Variants in FANCA observed in about 807,000 individuals in gnomAD.
FANCA encodes Fanconi anemia group A protein.
FANCA carries 236 observed loss-of-function variants against 194.3 expected under a neutral mutation model. The observed-to-expected ratio is 1.21, with a 90% confidence interval of 1.09 to 1.35. The LOEUF (loss-of-function observed/expected upper bound fraction) is 1.35, where lower values mean the gene tolerates loss of function less well. Among genes scored for constraint, FANCA ranks in the 40% most tolerant of loss-of-function variants. The pLI, the probability that FANCA is intolerant of heterozygous loss-of-function variation, is 0.00. For synonymous variants in FANCA, 1,014 were observed against 715.8 expected (o/e 1.42, Z -6.65); for missense variants, 2,628 against 1,813.9 (o/e 1.45, Z -8.15).
chr16:89,766,754 A>G (rs1225464020), intron 27 of FANCA, among the ~76,000 whole-genome samples: 2 of 152,186 alleles, frequency 1.3e-5, no homozygotes, highest in Admixed American at 6.5e-5. Context: ...CAATGTAAGG[A>G]ACATTTACTA....
Position 89,737,717 on chromosome 16 carries a change from C to A in FANCA, c.*884G>T. The A allele has an allele frequency of 6.3e-7, 1 of 1,596,230 alleles. No homozygotes were observed. The highest frequency in any genetic ancestry group is 1.3e-5 in the African/African-American group (1 of 74,762). On this transcript the variant is annotated 3_prime_UTR_variant, in exon 43 of 43. Transcript: ENST00000389301. ...GTGAACCATGTGCAGAAATGTCTTC[C>A]CAGCTGTGATGGTTTCACATTGTCA...
In FANCA at chr16:89,816,598, G is replaced by A. The variant is rs916719756; in HGVS notation, c.18C>T (p.Val6=). 1.5e-5 allele frequency: 23 copies of A among 1,526,800 alleles called. No individual in the cohort carries two copies. Among genetic ancestry groups the A allele is most frequent in the Non-Finnish European group, 1.9e-5 (22 of 1,145,162 alleles). The allele number at this position is 1,526,800 out of a possible 1,614,324, so 94.6% of individuals were successfully genotyped here. Residue 6 remains valine (V), a synonymous_variant, in exon 1 of 43, where the codon GTC becomes GTT. Transcript: ENST00000389301. MSDSW[V]PNSASGQDPG... is the part of the protein sequence containing the mutation. ...GGTCCTGGCCCGAGGCGGAGTTCGGGACCCACGAGTCGGACATGGCCTTGG... is the reference window on the plus strand; with the variant it reads ...GGTCCTGGCCCGAGGCGGAGTTCGGAACCCACGAGTCGGACATGGCCTTGG...
chr16:89,780,692 G>A (rs1280626327), intron 17 of FANCA, among the ~76,000 whole-genome samples: 2 of 151,608 alleles, frequency 1.3e-5, no homozygotes, highest in Non-Finnish European at 2.9e-5. Flanking sequence ...ATTTTGGGGG[G>A]CCAAGGCGGA....
At chr16:89,810,214 T>C (rs1035805468) in intron 5 of FANCA, among the ~76,000 whole-genome samples, 1 of 150,692 alleles carries the variant, frequency 6.6e-6, no homozygotes, top group Admixed American at 6.6e-5. Flanking sequence ...TCCCAGCTAC[T>C]CGGGAGGCTG....
At chr16:89,778,347 T>G in intron 20 of FANCA, 1 of 364,972 alleles carries the variant, frequency 2.7e-6, no homozygotes, top group Non-Finnish European at 5.2e-6. Flanking sequence ...ATACCTATAA[T>G]CCCAGCTACT....
At chr16:89,796,528 C>T (rs1460979018) in intron 10 of FANCA, among the ~76,000 whole-genome samples, 2 of 152,192 alleles carry the variant, frequency 1.3e-5, no homozygotes, top group Non-Finnish European at 2.9e-5. Context: ...ACTAAGGTTT[C>T]CTGGGCCATC....
At chr16:89,780,602 C>T (rs12932130) in intron 17 of FANCA, among the ~76,000 whole-genome samples, 2,146 of 146,734 alleles carry the variant, frequency 0.015, 45 homozygotes, top group South Asian at 0.1. Context: ...GCAGCCTGGG[C>T]AACAGGGGAA....
intron 20 of FANCA, 83 bp downstream of exon 20, chr16:89,778,718 T>C (rs2039600498): frequency 7.4e-7 from 1 of 1,356,162 alleles, no homozygotes. Context: ...GTCTAACAAA[T>C]TTCTCTACAG....
intron 30 of FANCA, among the ~76,000 whole-genome samples, chr16:89,757,618 C>T (rs2038808796): frequency 6.6e-6 from 1 of 152,204 alleles, no homozygotes; most frequent in Non-Finnish European, 1.5e-5. Flanking sequence ...CACTTGCCAT[C>T]TGTACTGAAT....
In FANCA at chr16:89,767,126, A is replaced by T. The variant is rs373423046; in HGVS notation, c.2601+15T>A. 2.5e-6 allele frequency: 4 copies of T among 1,591,016 alleles called. No individual in the cohort carries two copies. The highest frequency in any genetic ancestry group is 3.5e-6 in the Non-Finnish European group (4 of 1,158,986). ...CGTATGGCAGAATGGAAAAATAGGAAAAGAGTGAACCTACCTTTTTAATAA... is the reference window on the plus strand; with the variant it reads ...CGTATGGCAGAATGGAAAAATAGGATAAGAGTGAACCTACCTTTTTAATAA... On this transcript the variant is annotated intron_variant, in intron 27 of 42. Transcript: ENST00000389301.
intron 28 of FANCA, 156 bp downstream of exon 28, chr16:89,764,734 G>T: frequency 2.2e-6 from 2 of 892,174 alleles, no homozygotes; most frequent in Non-Finnish European, 1.9e-6. Context: ...GACTCGAGAC[G>T]AGGAGACAGT....
At chr16:89,776,175 T>G (rs1598121812) in intron 20 of FANCA, among the ~76,000 whole-genome samples, 1 of 141,580 alleles carries the variant, frequency 7.1e-6, no homozygotes, top group South Asian at 2.3e-4. Context: ...TTTTTTTTTT[T>G]TTTTTTTTTT....
At chr16:89,777,886 G>C (rs963669249) in intron 20 of FANCA, among the ~76,000 whole-genome samples, 3 of 151,990 alleles carry the variant, frequency 2.0e-5, no homozygotes, top group African/African-American at 7.2e-5. Context: ...ATGCAGCCGG[G>C]TGCGGTAGCT....
In FANCA at chr16:89,795,969, G is replaced by T. The variant is rs757389865; in HGVS notation, c.943C>A (p.Pro315Thr). The T allele has an allele frequency of 1.9e-6, 3 of 1,614,056 alleles. No individual in the cohort carries two copies. Among genetic ancestry groups the T allele is most frequent in the Non-Finnish European group, 1.7e-6 (2 of 1,180,034 alleles). Residue 315 changes from proline to threonine, a missense_variant, in exon 11 of 43, where the codon CCT (proline) becomes ACT (threonine). Coordinates refer to ENST00000389301, the MANE Select transcript of FANCA (RefSeq NM_000135.4). ...GTATGACTGAAGAACCTCTTCAGAGGATCTGTGGAAATTACACTGCCAAGC... is the reference window on the plus strand; with the variant it reads ...GTATGACTGAAGAACCTCTTCAGAGTATCTGTGGAAATTACACTGCCAAGC... ...HTLGSVISTD[P>T]LKRFFSHTLT... is the part of the protein sequence containing the mutation.
rs943773590 is a variant in FANCA, at chr16:89,816,570, C to G, written c.46G>C (p.Gly16Arg). The change falls in exon 1 of 43, where the codon GGG becomes CGG. Residue 16 changes from glycine to arginine, a missense_variant. Physicochemically the swap from Gly to Arg is moderately radical, Grantham distance 125. Coordinates refer to ENST00000389301, the MANE Select transcript of FANCA (RefSeq NM_000135.4). The stretch of plus-strand genomic sequence containing the variant: ...TCGGCCCAGGCCCTCCGGCGGCCCC[C>G]TGGGTCCTGGCCCGAGGCGGAGTTC... ...VPNSASGQDP[G>R]GRRRAWAELL... The G allele has an allele frequency of 1.3e-5, 19 of 1,516,772 alleles. No homozygotes were observed. Among genetic ancestry groups the G allele is most frequent in the Non-Finnish European group, 1.5e-5 (17 of 1,140,594 alleles). 94.0% of individuals were successfully genotyped at this position (1,516,772 alleles called of 1,614,324 possible).
At chr16:89,740,639 A>T (rs1192010816) in intron 38 of FANCA, 165 bp downstream of exon 38, 3 of 505,252 alleles carry the variant, frequency 5.9e-6, no homozygotes, top group Non-Finnish European at 1.1e-5. Flanking sequence ...CCCATCTCAA[A>T]AAAAAAAAAA....
At chr16:89,776,469 A>G (rs1482330186) in intron 20 of FANCA, among the ~76,000 whole-genome samples, 1 of 151,774 alleles carries the variant, frequency 6.6e-6, no homozygotes, top group East Asian at 1.9e-4. Flanking sequence ...GCCCAGCAAA[A>G]CATGAATCTT....
At chr16:89,811,726 ATTTTTTT>A (rs79432713) in intron 3 of FANCA, among the ~76,000 whole-genome samples, 2 of 151,124 alleles carry the variant, frequency 1.3e-5, no homozygotes, top group East Asian at 3.9e-4. Flanking sequence ...TCCAAAATTA[ATTTTTTT>A]TTGTTTTATT....
rs373256600 is a variant in FANCA, at chr16:89,816,627, C to T, written c.-12G>A. The T allele has an allele frequency of 2.4e-5, 37 of 1,519,924 alleles. No individual in the cohort carries two copies. In the East Asian group the frequency reaches 5.1e-4, roughly 21 times the overall value. 94.2% of individuals were successfully genotyped at this position (1,519,924 alleles called of 1,614,324 possible). ...CACGAGTCGGACATGGCCTTGGCGC[C>T]TACAGCCCCGGCGGCGGCTCCCTGC... On this transcript the variant is annotated 5_prime_UTR_variant, in exon 1 of 43. Transcript: ENST00000389301.
Sources: gnomAD v4.1 joint callset for allele counts (sites outside exome capture counted in the v4.1 genomes callset) on GRCh38, gnomAD v4.1.1 for gene constraint, MANE v1.5 for transcripts, NCBI Gene and HGNC (gene_info 2026-07-23, HGNC 2026-07-21) for gene names.